The following BTBD7 variants were observed in gnomAD, a reference collection of about 807,000 sequenced individuals.
BTBD7 encodes BTB domain containing 7, also known as BTB/POZ domain-containing protein 7.
In BTBD7, 38 loss-of-function variants were observed where a neutral mutation model predicts 99.9. That is an observed-to-expected ratio of 0.38 (90% CI 0.29 to 0.50). The LOEUF (loss-of-function observed/expected upper bound fraction) is 0.50. BTBD7 is among the 20% of genes least tolerant of loss of function. The probability of loss-of-function intolerance (pLI) is 0.93; values close to 1 mark genes in which losing one functional copy is unlikely to be tolerated. For missense variants in BTBD7, 1,170 were observed against 1,394.6 expected (o/e 0.84, Z 2.57); for synonymous variants, 520 against 511.4 (o/e 1.02, Z -0.23).
chr14:93,243,653 A>T (rs2052266039), intron 10 of BTBD7, among the ~76,000 whole-genome samples: 1 of 152,190 alleles, frequency 6.6e-6, no homozygotes, highest in Admixed American at 6.5e-5. Context: ...ATAATCTGTC[A>T]CTAAATCTTT....
chr14:93,306,934 A>C (rs949682386), intron 1 of BTBD7, among the ~76,000 whole-genome samples: 1 of 152,194 alleles, frequency 6.6e-6, no homozygotes, highest in Non-Finnish European at 1.5e-5. Context: ...TTCCCTGAAC[A>C]GATGATAAAA....
chr14:93,300,681 G>A (rs576062215), intron 1 of BTBD7, among the ~76,000 whole-genome samples: 5 of 149,762 alleles, frequency 3.3e-5, no homozygotes, highest in African/African-American at 4.9e-5. Context: ...GACTACAGGC[G>A]TGTGCCATCA....
chr14:93,245,302 G>A (rs139590458), intron 10 of BTBD7, among the ~76,000 whole-genome samples: 2 of 152,224 alleles, frequency 1.3e-5, no homozygotes, highest in East Asian at 1.9e-4. Flanking sequence ...CTCTGCTGAT[G>A]AGCTTCAGAG....
chr14:93,302,575 G>A (rs778533237), intron 1 of BTBD7, among the ~76,000 whole-genome samples: 22 of 152,116 alleles, frequency 1.4e-4, no homozygotes, highest in Admixed American at 1.2e-3. Flanking sequence ...GGCCGGGAGC[G>A]ATGGCTCAAG....
At chr14:93,313,679 T>TACACACACACACACACACAC (rs57711099) in intron 1 of BTBD7, among the ~76,000 whole-genome samples, 3 of 145,424 alleles carry the variant, frequency 2.1e-5, no homozygotes, top group African/African-American at 2.6e-5. Flanking sequence ...AAAATGAAAC[T>TACACACACACACACACACAC]ACACACACAC....
At chr14:93,258,940 C>G (rs946444596) in intron 5 of BTBD7, among the ~76,000 whole-genome samples, 1 of 152,228 alleles carries the variant, frequency 6.6e-6, no homozygotes, top group Admixed American at 6.5e-5. Context: ...TGCCTGTTAT[C>G]TGCCCCAAAT....
chr14:93,317,284 C>T (rs2053218664), intron 1 of BTBD7, among the ~76,000 whole-genome samples: 1 of 152,156 alleles, frequency 6.6e-6, no homozygotes, highest in Non-Finnish European at 1.5e-5. Context: ...GGATTATAGG[C>T]GTGAGCCACT....
rs2052195914 is a variant in BTBD7, at chr14:93,239,449, GCT to G, written c.*2822_*2823del. On this transcript the variant is annotated 3_prime_UTR_variant, in exon 11 of 11. Coordinates refer to ENST00000334746, the MANE Select transcript of BTBD7 (RefSeq NM_001002860.4). ...TAAATTTTATTTTATATATATATAT[GCT>G]TTTTTTTTTTTTCTGAGAGCAACCT... The G allele has an allele frequency of 6.7e-6, 1 of 148,954 alleles. No homozygotes were observed. The highest frequency in any genetic ancestry group is 2.5e-5 in the African/African-American group (1 of 39,962). 9.2% of individuals were successfully genotyped at this position (148,954 alleles called of 1,614,324 possible). A position where few individuals can be genotyped will look rare whatever the true frequency, so the allele number is the denominator to read the frequency against.
chr14:93,254,513 G>A (rs190354355), intron 6 of BTBD7, among the ~76,000 whole-genome samples: 3 of 152,284 alleles, frequency 2.0e-5, no homozygotes, highest in East Asian at 3.9e-4. Flanking sequence ...GGCTAGCACA[G>A]TGCCTAGCAA....
chr14:93,279,673 G>A (rs570962110), intron 3 of BTBD7, among the ~76,000 whole-genome samples: 7 of 152,124 alleles, frequency 4.6e-5, no homozygotes, highest in African/African-American at 1.7e-4. Flanking sequence ...TCAGCCTCCC[G>A]AGCAGCTGGG....
intron 1 of BTBD7, among the ~76,000 whole-genome samples, chr14:93,323,583 T>C (rs139873027): frequency 6.6e-6 from 1 of 152,224 alleles, no homozygotes; most frequent in Non-Finnish European, 1.5e-5. Flanking sequence ...TGAAGCATAT[T>C]ATAGAATTTT....
At chr14:93,250,249 T>G (rs558779149) in intron 8 of BTBD7, among the ~76,000 whole-genome samples, 103 of 152,320 alleles carry the variant, frequency 6.8e-4, no homozygotes, top group African/African-American at 2.5e-3. Context: ...ACAAGCCTTA[T>G]TTTTCTGAGC....
chr14:93,301,414 C>T (rs1385037850), intron 1 of BTBD7, among the ~76,000 whole-genome samples: 2 of 152,150 alleles, frequency 1.3e-5, no homozygotes, highest in Admixed American at 1.3e-4. Flanking sequence ...TGGTCTTGAA[C>T]TCCTGACCAC....
chr14:93,256,339 A>G (rs2052429485), intron 6 of BTBD7: 1 of 152,158 alleles, frequency 6.6e-6, no homozygotes, highest in Non-Finnish European at 1.5e-5. Flanking sequence ...TATAAGCATT[A>G]TATTAAGTTT....
intron 7 of BTBD7, among the ~76,000 whole-genome samples, chr14:93,252,754 C>G (rs377710955): frequency 6.6e-6 from 1 of 152,126 alleles, no homozygotes; most frequent in East Asian, 1.9e-4. Context: ...AAATTTACTT[C>G]AGAAAGCTTA....
chr14:93,309,152 G>A lies in BTBD7; in HGVS notation c.-106-12995C>T, dbSNP rs536071044. On this transcript the variant is annotated intron_variant, in intron 1 of 10. Transcript: ENST00000334746. Reference sequence around the variant, plus strand: ...GAGTGGGAGTATCTTACATCAGAATGGGAATACAGTTTACCAAGGGCTTTT... The same window carrying A: ...GAGTGGGAGTATCTTACATCAGAATAGGAATACAGTTTACCAAGGGCTTTT... Among the ~76,000 whole-genome samples the A allele has an allele frequency of 2.2e-4, 33 of 152,162 alleles. No homozygotes were observed. In the South Asian group the frequency reaches 2.5e-3, roughly 11 times the overall value.
At chr14:93,314,019 T>C (rs1216839020) in intron 1 of BTBD7, among the ~76,000 whole-genome samples, 2 of 152,148 alleles carry the variant, frequency 1.3e-5, no homozygotes. Flanking sequence ...GCACTGGGAT[T>C]ACAAAGCATG....
chr14:93,316,000 G>A (rs573231889), intron 1 of BTBD7, among the ~76,000 whole-genome samples: 1 of 149,976 alleles, frequency 6.7e-6, no homozygotes, highest in Non-Finnish European at 1.5e-5. Context: ...TGCCCAGGAT[G>A]GAGTACAATG....
intron 8 of BTBD7, among the ~76,000 whole-genome samples, chr14:93,249,266 CAAAAAAAAAAAAA>C (rs56893984): frequency 2.7e-4 from 7 of 25,958 alleles, no homozygotes; most frequent in Admixed American, 5.7e-4. Flanking sequence ...ACCAGATAGG[CAAAAAAAAAAAAA>C]AAAAAAAAAA....
Sources: allele counts gnomAD v4.1 joint callset (sites outside exome capture counted in the v4.1 genomes callset), GRCh38; gene constraint gnomAD v4.1.1; transcripts MANE v1.5; gene names NCBI Gene and HGNC (gene_info 2026-07-23, HGNC 2026-07-21).